Variants in PDE1C observed in about 807,000 individuals in gnomAD.
PDE1C encodes dual specificity calcium/calmodulin-dependent 3',5'-cyclic nucleotide phosphodiesterase 1C.
PDE1C carries 62 observed loss-of-function variants against 93.1 expected under a neutral mutation model. That is an observed-to-expected ratio of 0.67 (90% CI 0.54 to 0.82). The LOEUF (loss-of-function observed/expected upper bound fraction) is 0.82. Ranked by LOEUF, PDE1C falls within the 40% of genes least tolerant of loss-of-function variation. The probability of loss-of-function intolerance (pLI) is 0.00; values close to 1 mark genes in which losing one functional copy is unlikely to be tolerated. For missense variants in PDE1C, 742 were observed against 884.6 expected (o/e 0.84, Z 2.04); for synonymous variants, 325 against 310.1 (o/e 1.05, Z -0.50).
chr7:32,301,386 T>C (rs943131962), upstream of PDE1C, among the ~76,000 whole-genome samples: 4 of 152,232 alleles, frequency 2.6e-5, no homozygotes, highest in African/African-American at 9.6e-5. Context: ...AAACTTGGTA[T>C]TTAATCATCT....
At chr7:32,046,391 G>A (rs899894298) in intron 2 of PDE1C, among the ~76,000 whole-genome samples, 1 of 152,126 alleles carries the variant, frequency 6.6e-6, no homozygotes, top group African/African-American at 2.4e-5. Flanking sequence ...TCTAGCGAGA[G>A]AAGAGTATAT....
the PDE1C span, among the ~76,000 whole-genome samples, chr7:31,617,973 A>G: frequency 3.3e-5 from 5 of 152,188 alleles, no homozygotes; most frequent in African/African-American, 1.2e-4. Flanking sequence ...AGAAGCACAC[A>G]TATTGATTGT....
intron 2 of PDE1C, among the ~76,000 whole-genome samples, chr7:31,986,894 A>G (rs1045139879): frequency 3.3e-5 from 5 of 151,920 alleles, no homozygotes; most frequent in African/African-American, 9.7e-5. Flanking sequence ...AGCTGAAAAT[A>G]GTCTATAACA....
intron 16 of PDE1C, among the ~76,000 whole-genome samples, chr7:31,779,733 C>T (rs1037631956): frequency 3.9e-5 from 6 of 152,146 alleles, no homozygotes; most frequent in African/African-American, 1.4e-4. Context: ...AGTCAGCCTC[C>T]CACTGGCTTC....
chr7:31,617,090 G>A, the PDE1C span, among the ~76,000 whole-genome samples: 1 of 152,216 alleles, frequency 6.6e-6, no homozygotes, highest in Non-Finnish European at 1.5e-5. Context: ...AAAGATGGTT[G>A]CACTTCAGTG....
intron 8 of PDE1C, among the ~76,000 whole-genome samples, chr7:31,849,060 T>C (rs1164791704): frequency 6.6e-6 from 1 of 152,224 alleles, no homozygotes; most frequent in African/African-American, 2.4e-5. Context: ...CAAACCAAGC[T>C]TAACTGAACA....
chr7:31,664,542 G>T, the PDE1C span, among the ~76,000 whole-genome samples: 3 of 152,172 alleles, frequency 2.0e-5, no homozygotes, highest in Non-Finnish European at 4.4e-5. Context: ...CACATGTCTG[G>T]CTCTCCCAAC....
chr7:32,390,609 G>T (rs1784732505), intron 1 of PDE1C, among the ~76,000 whole-genome samples: 1 of 151,160 alleles, frequency 6.6e-6, no homozygotes, highest in Non-Finnish European at 1.5e-5. Flanking sequence ...CACTTTAGGA[G>T]GCCAAGGCAG....
the PDE1C span, among the ~76,000 whole-genome samples, chr7:31,648,770 A>G: frequency 6.6e-6 from 1 of 152,144 alleles, no homozygotes; most frequent in Admixed American, 6.5e-5. Flanking sequence ...AACCACTCAA[A>G]CAGCTCGCTG....
chr7:31,794,089 C>G (rs28533578), intron 16 of PDE1C, among the ~76,000 whole-genome samples: 23 of 136,158 alleles, frequency 1.7e-4, no homozygotes, highest in South Asian at 9.7e-4. Context: ...GACAGACAGA[C>G]AGATAGATAG....
In PDE1C at chr7:32,205,601, A is replaced by AC. The variant is rs566467632; in HGVS notation, c.136+3887_136+3888insG. Among the ~76,000 whole-genome samples the AC allele has an allele frequency of 9.4e-3, 644 of 68,594 alleles. 6 individuals carry two copies. Among genetic ancestry groups the AC allele is most frequent in the African/African-American group, 0.023 (614 of 26,782 alleles). The allele number at this position is 68,594 out of a possible 152,430, so 45.0% of individuals were successfully genotyped here. A position where few individuals can be genotyped will look rare whatever the true frequency, so the allele number is the denominator to read the frequency against. ...CCAAAAAAGAGAATAAAAGCAGGCC[A>AC]ACCCCCCAGCCAACCCGTTTGGGTC... On this transcript the variant is annotated intron_variant, in intron 2 of 18. Transcript: ENST00000396193.
At chr7:31,797,843 T>G (rs1459138349) in intron 16 of PDE1C, among the ~76,000 whole-genome samples, 1 of 151,760 alleles carries the variant, frequency 6.6e-6, no homozygotes, top group South Asian at 2.1e-4. Context: ...ACAAGAATAA[T>G]AATCTACTCC....
chr7:32,321,284 C>T (rs1266991222), intron 1 of PDE1C, among the ~76,000 whole-genome samples: 2 of 152,212 alleles, frequency 1.3e-5, no homozygotes, highest in African/African-American at 4.8e-5. Context: ...TTTACAAAAA[C>T]ACAGCGCAGA....
At chr7:32,139,683 G>T (rs1424662172) in intron 3 of PDE1C, among the ~76,000 whole-genome samples, 1 of 152,122 alleles carries the variant, frequency 6.6e-6, no homozygotes, top group Non-Finnish European at 1.5e-5. Flanking sequence ...ACCTATTATG[G>T]TGGCCCATGA....
chr7:32,257,284 T>A (rs1322885836), intron 1 of PDE1C, among the ~76,000 whole-genome samples: 1 of 152,250 alleles, frequency 6.6e-6, no homozygotes, highest in Non-Finnish European at 1.5e-5. Flanking sequence ...AAAATTGCCC[T>A]GGCTTCCTGC....
intron 2 of PDE1C, among the ~76,000 whole-genome samples, chr7:32,049,249 A>G (rs1463237108): frequency 6.6e-6 from 1 of 152,134 alleles, no homozygotes; most frequent in Admixed American, 6.6e-5. Context: ...AGCTCTCACT[A>G]TATTTAGAAA....
At chr7:32,331,626 G>C (rs1003097065) in intron 1 of PDE1C, among the ~76,000 whole-genome samples, 1 of 152,174 alleles carries the variant, frequency 6.6e-6, no homozygotes, top group African/African-American at 2.4e-5. Context: ...CCATGGAATA[G>C]ATGATATGGC....
chr7:32,335,223 C>T (rs372939621), intron 1 of PDE1C, among the ~76,000 whole-genome samples: 34 of 152,312 alleles, frequency 2.2e-4, no homozygotes, highest in Admixed American at 7.2e-4. Context: ...AAGCAGAGAA[C>T]GCAAGTCCAC....
At chr7:32,353,650 A>G (rs562448000) in intron 1 of PDE1C, among the ~76,000 whole-genome samples, 1 of 150,690 alleles carries the variant, frequency 6.6e-6, no homozygotes, top group East Asian at 2.0e-4. Context: ...TTTAGTCTAC[A>G]GGTATTGCCT....
Sources: gnomAD v4.1 joint callset for allele counts (sites outside exome capture counted in the v4.1 genomes callset) on GRCh38, gnomAD v4.1.1 for gene constraint, MANE v1.5 for transcripts, NCBI Gene and HGNC (gene_info 2026-07-23, HGNC 2026-07-21) for gene names.